CLVS1: variants seen among roughly 807,000 people sequenced by gnomAD.
The protein encoded by CLVS1 is clavesin 1, also known as clavesin-1.
A neutral mutation model predicts 33.1 loss-of-function variants in CLVS1; 10 were observed. The observed-to-expected ratio is 0.30, with a 90% confidence interval of 0.19 to 0.51. CLVS1 has a LOEUF of 0.51. Among genes scored for constraint, CLVS1 ranks in the 20% least tolerant of loss-of-function variants. CLVS1 has a pLI of 0.97. For synonymous variants in CLVS1, 163 were observed against 166.1 expected (o/e 0.98, Z 0.14); for missense variants, 343 against 433.4 (o/e 0.79, Z 1.85).
At chr8:61,367,428 A>G (rs1813257820) in intron 2 of CLVS1, among the ~76,000 whole-genome samples, 1 of 151,936 alleles carries the variant, frequency 6.6e-6, no homozygotes, top group South Asian at 2.1e-4. Context: ...TTTCCCTTCT[A>G]TGTCTAGTGT....
the CLVS1 span, among the ~76,000 whole-genome samples, chr8:61,037,724 G>T: frequency 1.3e-5 from 2 of 152,160 alleles, no homozygotes; most frequent in African/African-American, 2.4e-5. Flanking sequence ...ACAAACACTC[G>T]CTATCTCCGA....
At chr8:61,101,310 AT>A (rs1805445723) in intron 1 of CLVS1, among the ~76,000 whole-genome samples, 1 of 151,970 alleles carries the variant, frequency 6.6e-6, no homozygotes, top group African/African-American at 2.4e-5. Flanking sequence ...TTTAGTTTGC[AT>A]TTCTTTGATG....
At chr8:61,098,895 G>GT (rs539493524) in intron 1 of CLVS1, among the ~76,000 whole-genome samples, 1 of 152,120 alleles carries the variant, frequency 6.6e-6, no homozygotes, top group South Asian at 2.1e-4. Context: ...GCAAAAAAAA[G>GT]TTTTTTTATT....
chr8:61,467,296 A>G (rs1032065137), intron 5 of CLVS1, among the ~76,000 whole-genome samples: 4 of 152,308 alleles, frequency 2.6e-5, no homozygotes, highest in African/African-American at 9.6e-5. Flanking sequence ...AGCAGGTTAG[A>G]TATCACAATT....
chr8:61,318,460 T>C (rs1811085360), intron 2 of CLVS1, among the ~76,000 whole-genome samples: 1 of 152,204 alleles, frequency 6.6e-6, no homozygotes, highest in Non-Finnish European at 1.5e-5. Flanking sequence ...CCTGAAGTAC[T>C]CTTGGAAGAG....
At chr8:61,184,898 T>A (rs1474426156) in intron 2 of CLVS1, among the ~76,000 whole-genome samples, 5 of 152,222 alleles carry the variant, frequency 3.3e-5, no homozygotes, top group Non-Finnish European at 7.3e-5. Context: ...GCTGATAAAA[T>A]TAATATGCAT....
At chr8:61,177,975 A>T (rs7009258) in intron 2 of CLVS1, among the ~76,000 whole-genome samples, 78,720 of 151,952 alleles carry the variant, frequency 0.52, 21,562 homozygotes, top group Middle Eastern at 0.72. Context: ...GTAAGGGTGC[A>T]GAACTGTATG....
chr8:61,469,848 G>A (rs142863226), intron 5 of CLVS1, among the ~76,000 whole-genome samples: 8 of 152,202 alleles, frequency 5.3e-5, no homozygotes, highest in South Asian at 4.2e-4. Context: ...TGAATGATCC[G>A]CAGTCTCCAC....
chr8:61,436,433 A>G (rs767563297), intron 3 of CLVS1, among the ~76,000 whole-genome samples: 1 of 152,144 alleles, frequency 6.6e-6, no homozygotes, highest in Non-Finnish European at 1.5e-5. Flanking sequence ...TGCTCTTGTC[A>G]ATGTCAACGA....
At chr8:61,482,997 C>A (rs1357071864) in intron 5 of CLVS1, among the ~76,000 whole-genome samples, 1 of 152,166 alleles carries the variant, frequency 6.6e-6, no homozygotes, top group African/African-American at 2.4e-5. Flanking sequence ...CAGGAAAGAT[C>A]TAAAATTGAC....
chr8:61,257,620 G>A (rs1809113496), intron 2 of CLVS1, among the ~76,000 whole-genome samples: 1 of 152,136 alleles, frequency 6.6e-6, no homozygotes, highest in Non-Finnish European at 1.5e-5. Context: ...GGCTTACTGA[G>A]TATTTTTCCA....
At chr8:61,044,229 T>C in the CLVS1 span, among the ~76,000 whole-genome samples, 29,554 of 151,956 alleles carry the variant, frequency 0.19, 3,868 homozygotes, top group African/African-American at 0.37. Context: ...AGTTACAGCA[T>C]AGAACCTGTG....
chr8:61,286,947 A>G (rs1480638931), upstream of CLVS1, among the ~76,000 whole-genome samples: 2 of 152,220 alleles, frequency 1.3e-5, no homozygotes, highest in African/African-American at 2.4e-5. Flanking sequence ...ATATGTTTTA[A>G]TAGCTATAAA....
intron 5 of CLVS1, among the ~76,000 whole-genome samples, chr8:61,459,474 A>G (rs1040119596): frequency 4.6e-5 from 7 of 151,898 alleles, no homozygotes; most frequent in African/African-American, 1.7e-4. Context: ...ACTGCACCAT[A>G]TATGTTGTCT....
At chr8:61,487,151 G>A (rs1237604707) in intron 5 of CLVS1, among the ~76,000 whole-genome samples, 1 of 152,146 alleles carries the variant, frequency 6.6e-6, no homozygotes, top group South Asian at 2.1e-4. Context: ...CTCTGCCCCT[G>A]CTGAGGGCCC....
At chr8:61,449,818 GTCT>G (rs1025115013) in intron 3 of CLVS1, among the ~76,000 whole-genome samples, 8 of 152,122 alleles carry the variant, frequency 5.3e-5, no homozygotes, top group Admixed American at 2.6e-4. Flanking sequence ...TAGCTGATTT[GTCT>G]TCTTCTCTCC....
intron 2 of CLVS1, among the ~76,000 whole-genome samples, chr8:61,336,663 CAAT>C (rs1811818501): frequency 6.6e-6 from 1 of 151,964 alleles, no homozygotes; most frequent in Non-Finnish European, 1.5e-5. Flanking sequence ...TCAACAACAA[CAAT>C]AACAATAATA....
chr8:61,208,239 A>G (rs1807896698), intron 2 of CLVS1, among the ~76,000 whole-genome samples: 1 of 152,168 alleles, frequency 6.6e-6, no homozygotes, highest in Non-Finnish European at 1.5e-5. Flanking sequence ...AAAATGATAG[A>G]TTTTTTCCAG....
chr8:61,092,223 A>G (rs535871594), intron 1 of CLVS1, among the ~76,000 whole-genome samples: 3 of 152,164 alleles, frequency 2.0e-5, no homozygotes, highest in Non-Finnish European at 4.4e-5. Context: ...ATTAATTACC[A>G]GTTGGTGTTT....
Sources: allele counts gnomAD v4.1 joint callset (sites outside exome capture counted in the v4.1 genomes callset), GRCh38; gene constraint gnomAD v4.1.1; transcripts MANE v1.5; gene names NCBI Gene and HGNC (gene_info 2026-07-23, HGNC 2026-07-21).